The following AKAP9 variants were observed in gnomAD, a reference collection of about 807,000 sequenced individuals.
The protein encoded by AKAP9 is A-kinase anchor protein 9.
AKAP9 carries 311 observed loss-of-function variants against 488.5 expected under a neutral mutation model. That is an observed-to-expected ratio of 0.64 (90% CI 0.58 to 0.70). The LOEUF is 0.70. AKAP9 is among the 30% of genes least tolerant of loss of function. AKAP9 has a pLI of 0.00. For missense variants in AKAP9, 4,215 were observed against 4,374.5 expected (o/e 0.96, Z 1.03); for synonymous variants, 1,462 against 1,483.5 (o/e 0.99, Z 0.33).
At position 92,031,752 on chromosome 7, in the gene AKAP9, C is replaced by T. The variant is rs913494424; in HGVS notation, c.4338+148C>T. 1.4e-5 allele frequency: 9 copies of T among 634,686 alleles called. No individual in the cohort carries two copies. The Admixed American group carries it at 2.7e-4, about 19-fold the overall frequency. 39.3% of individuals were successfully genotyped at this position (634,686 alleles called of 1,614,324 possible). ...GATTGGATAATATCAATTATAGTTG[C>T]CTTTAAACAAAATATCTTGTGAATT... On this transcript the variant is annotated intron_variant, in intron 16 of 49. Transcript: ENST00000356239.
intron 3 of AKAP9, among the ~76,000 whole-genome samples, chr7:91,990,468 C>G (rs1797618285): frequency 6.6e-6 from 1 of 151,972 alleles, no homozygotes; most frequent in South Asian, 2.1e-4. Context: ...TGATGTTAAA[C>G]TTTTCAGATT....
chr7:91,990,599 A>G (rs1797632241), intron 3 of AKAP9, among the ~76,000 whole-genome samples: 3 of 152,148 alleles, frequency 2.0e-5, no homozygotes, highest in Non-Finnish European at 4.4e-5. Flanking sequence ...GCTTATCTGA[A>G]TTAGAGAAAA....
rs754487282 is a variant in AKAP9, at chr7:92,085,493, A to C, written c.8833-2A>C. The stretch of plus-strand genomic sequence containing the variant: ...TTCTGGCTCTTGGGTTTTGGTTTCC[A>C]GGGATTACTGAGAGCTGTCCATAAT... On this transcript the variant is annotated splice_acceptor_variant, in intron 35 of 49. Coordinates refer to ENST00000356239, the MANE Select transcript of AKAP9 (RefSeq NM_005751.5). LOFTEE classifies it high-confidence loss of function. 18 of 1,613,896 alleles carry C rather than the reference A, an allele frequency of 1.1e-5. No individual in the cohort carries two copies. Among genetic ancestry groups the C allele is most frequent in the Non-Finnish European group, 1.5e-5 (18 of 1,179,940 alleles).
At position 92,001,502 on chromosome 7, in the gene AKAP9, C is replaced by G. The variant is rs780547389; in HGVS notation, c.1585C>G (p.Gln529Glu). The G allele has an allele frequency of 6.2e-7, 1 of 1,613,864 alleles. No individual in the cohort carries two copies. Among genetic ancestry groups the G allele is most frequent in the South Asian group, 1.1e-5 (1 of 91,080 alleles). Residue 529 changes from glutamine (Q) to glutamate (E), a missense_variant, in exon 8 of 50, where the codon CAG becomes GAG. By Grantham distance (29) the Gln-to-Glu change is conservative. Coordinates refer to ENST00000356239, the MANE Select transcript of AKAP9 (RefSeq NM_005751.5). ...ILEEKCALQR[Q>E]LEDLVEELSF... ...AGAAGAAAAGTGTGCTCTACAGAGA[C>G]AGCTTGAAGACCTTGTTGAAGAATT...
chr7:92,006,852 A>G (rs746187705), intron 8 of AKAP9, among the ~76,000 whole-genome samples: 14 of 152,194 alleles, frequency 9.2e-5, no homozygotes, highest in Non-Finnish European at 1.6e-4. Flanking sequence ...ATTGAAGTGT[A>G]TGTGTTTAAA....
At chr7:92,099,032 A>T (rs1462802018) in intron 43 of AKAP9, among the ~76,000 whole-genome samples, 1 of 152,128 alleles carries the variant, frequency 6.6e-6, no homozygotes, top group Non-Finnish European at 1.5e-5. Context: ...ACTGAACACC[A>T]TCTTCCCTTT....
intron 3 of AKAP9, among the ~76,000 whole-genome samples, chr7:91,986,033 A>C (rs1009446410): frequency 6.6e-6 from 1 of 152,038 alleles, no homozygotes; most frequent in Non-Finnish European, 1.5e-5. Context: ...TTGGCTTTGA[A>C]TCTGTCTGGT....
rs1298934933 is a variant in AKAP9 at position 92,008,188 on chromosome 7, T to A, written c.3319-4241T>A. Among the ~76,000 whole-genome samples the A allele has an allele frequency of 2.0e-5, 3 of 151,154 alleles. No individual in the cohort carries two copies. In the East Asian group the frequency reaches 5.9e-4, roughly 29 times the overall value. On this transcript the variant is annotated intron_variant, in intron 8 of 49. Coordinates refer to ENST00000356239, the MANE Select transcript of AKAP9 (RefSeq NM_005751.5). ...TTCAAGATTGACCTGATCAACATGG[T>A]GAAACCCCGTCTCTACCAAAAATAA...
chr7:91,967,380 T>A (rs1287132002), intron 1 of AKAP9, among the ~76,000 whole-genome samples: 1 of 152,230 alleles, frequency 6.6e-6, no homozygotes, highest in Non-Finnish European at 1.5e-5. Context: ...CTTGTCTTGT[T>A]CCAGACTTAG....
At chr7:92,038,801 C>G (rs752092195) in intron 17 of AKAP9, 29 bp downstream of exon 17, 2 of 1,483,180 alleles carry the variant, frequency 1.3e-6, no homozygotes, top group Non-Finnish European at 1.9e-6. Flanking sequence ...ATATAAAAAA[C>G]TTATTTAAAA....
At chr7:91,986,467 G>A (rs573962173) in intron 3 of AKAP9, among the ~76,000 whole-genome samples, 44 of 152,270 alleles carry the variant, frequency 2.9e-4, no homozygotes, top group Admixed American at 1.2e-3. Flanking sequence ...GAAATCACCC[G>A]TCTTCTGTGT....
chr7:92,037,875 CTT>C (rs1805452936), intron 16 of AKAP9, among the ~76,000 whole-genome samples: 1 of 152,144 alleles, frequency 6.6e-6, no homozygotes, highest in African/African-American at 2.4e-5. Context: ...ATTTAATAAA[CTT>C]ATACTACATC....
chr7:92,056,142 C>T (rs1409408334), intron 22 of AKAP9, among the ~76,000 whole-genome samples: 1 of 151,952 alleles, frequency 6.6e-6, no homozygotes, highest in Non-Finnish European at 1.5e-5. Flanking sequence ...TCTGAATCAT[C>T]TTTATCTGTT....
At chr7:92,061,140 A>C in intron 22 of AKAP9, 120 bp from the exon 23 acceptor site, 1 of 1,163,910 alleles carries the variant, frequency 8.6e-7, no homozygotes, top group Non-Finnish European at 1.2e-6. Context: ...TATCTAAATG[A>C]CTACAATTCA....
At chr7:92,095,954 C>G (rs945777024) in intron 40 of AKAP9, among the ~76,000 whole-genome samples, 2 of 152,026 alleles carry the variant, frequency 1.3e-5, no homozygotes, top group African/African-American at 4.8e-5. Context: ...GTTATAAGCC[C>G]TATTATTTTT....
chr7:91,963,490 A>T lies in AKAP9; in HGVS notation c.49-10221A>T, dbSNP rs899209028. On this transcript the variant is annotated intron_variant, in intron 1 of 49. Transcript: ENST00000356239. Reference sequence around the variant, plus strand: ...TGTAGATAACATATTTGTCACACACACACACACACACACACACACACACAC... The same window carrying T: ...TGTAGATAACATATTTGTCACACACTCACACACACACACACACACACACAC... Among the ~76,000 whole-genome samples the T allele has an allele frequency of 3.9e-3, 498 of 127,798 alleles. 4 individuals carry two copies. The highest frequency in any genetic ancestry group is 0.015 in the African/African-American group (454 of 29,962). 83.8% of individuals were successfully genotyped at this position (127,798 alleles called of 152,430 possible).
chr7:91,947,401 G>A (rs1791594924), intron 1 of AKAP9, among the ~76,000 whole-genome samples: 1 of 151,450 alleles, frequency 6.6e-6, no homozygotes, highest in Non-Finnish European at 1.5e-5. Flanking sequence ...GGAGTGCAGT[G>A]GCACGATCTC....
At chr7:92,005,633 T>C in intron 8 of AKAP9, among the ~76,000 whole-genome samples, 1 of 152,278 alleles carries the variant, frequency 6.6e-6, no homozygotes, top group East Asian at 1.9e-4. Flanking sequence ...CTTGCCTAAA[T>C]AGAGTCAAGA....
chr7:92,066,640 C>G lies in AKAP9; in HGVS notation c.6330+94C>G, dbSNP rs962770740. ...TTAAAAACTTAAAAGTGGATTCTTT[C>G]CTTTGTATGTAAATCTTCAAAATCA... On this transcript the variant is annotated intron_variant, in intron 26 of 49. Transcript: ENST00000356239. 1.1e-4 allele frequency: 158 copies of G among 1,452,090 alleles called. 1 individual carries two copies. Among genetic ancestry groups the G allele is most frequent in the Non-Finnish European group, 1.4e-4 (147 of 1,038,686 alleles). 90.0% of individuals were successfully genotyped at this position (1,452,090 alleles called of 1,614,324 possible).
Sources: gnomAD v4.1 joint callset for allele counts (sites outside exome capture counted in the v4.1 genomes callset) on GRCh38, gnomAD v4.1.1 for gene constraint, MANE v1.5 for transcripts, NCBI Gene and HGNC (gene_info 2026-07-23, HGNC 2026-07-21) for gene names.